Variants in MUSK observed in about 807,000 individuals in gnomAD.
MUSK encodes muscle associated receptor tyrosine kinase, also known as muscle, skeletal receptor tyrosine-protein kinase.
MUSK carries 55 observed loss-of-function variants against 88.7 expected under a neutral mutation model. The observed-to-expected ratio is 0.62, with a 90% CI of 0.50 to 0.78. MUSK has a LOEUF of 0.78. Ranked by LOEUF, MUSK falls within the 30% of genes least tolerant of loss-of-function variation. The pLI, the probability that MUSK is intolerant of heterozygous loss-of-function variation, is 0.00. For synonymous variants in MUSK, 387 were observed against 391.9 expected (o/e 0.99, Z 0.15); for missense variants, 1,015 against 1,074.3 (o/e 0.94, Z 0.77).
intron 4 of MUSK, among the ~76,000 whole-genome samples, chr9:110,696,277 CA>C (rs56335634): frequency 1.3e-3 from 187 of 139,880 alleles, no homozygotes; most frequent in Admixed American, 2.1e-3. Context: ...GACTCCATCT[CA>C]AAAAAAAAAA....
intron 5 of MUSK, among the ~76,000 whole-genome samples, chr9:110,698,644 A>C (rs1023617481): frequency 3.3e-5 from 5 of 152,116 alleles, no homozygotes; most frequent in African/African-American, 1.2e-4. Context: ...TAACATCTTT[A>C]TTATGTCATT....
At chr9:110,705,049 G>C (rs988406215) in intron 5 of MUSK, among the ~76,000 whole-genome samples, 1 of 151,364 alleles carries the variant, frequency 6.6e-6, no homozygotes, top group Non-Finnish European at 1.5e-5. Context: ...ACTTTATGTA[G>C]GCCTATACTT....
chr9:110,775,613 C>G (rs563833856), intron 9 of MUSK, 175 bp from the exon 10 acceptor site: 1 of 641,516 alleles, frequency 1.6e-6, no homozygotes, highest in South Asian at 1.9e-5. Flanking sequence ...GGACAGTACA[C>G]TAGATTTCAT....
chr9:110,710,151 C>T (rs148141417), intron 5 of MUSK, among the ~76,000 whole-genome samples: 199 of 152,230 alleles, frequency 1.3e-3, no homozygotes, highest in African/African-American at 4.3e-3. Context: ...CTACCTATTC[C>T]GATTCTTTCC....
intron 8 of MUSK, among the ~76,000 whole-genome samples, chr9:110,766,170 G>A (rs1463894290): frequency 1.3e-5 from 2 of 152,078 alleles, no homozygotes; most frequent in East Asian, 3.9e-4. Flanking sequence ...AAGGCGTTCT[G>A]GTGTCTGATC....
intron 8 of MUSK, among the ~76,000 whole-genome samples, chr9:110,764,550 TGATA>T (rs1303397411): frequency 6.6e-6 from 1 of 151,916 alleles, no homozygotes; most frequent in African/African-American, 2.4e-5. Context: ...TATAGGTAGT[TGATA>T]GATAAACAAA....
chr9:110,737,720 C>T (rs137976508), intron 6 of MUSK, among the ~76,000 whole-genome samples: 95 of 152,230 alleles, frequency 6.2e-4, no homozygotes, highest in African/African-American at 2.1e-3. Context: ...CCAATAATTA[C>T]TGCTTCTCTC....
intron 5 of MUSK, among the ~76,000 whole-genome samples, chr9:110,732,818 T>C (rs2076982571): frequency 6.6e-6 from 1 of 152,098 alleles, no homozygotes; most frequent in Non-Finnish European, 1.5e-5. Context: ...GACCCACATT[T>C]CTATATCTAA....
chr9:110,747,664 G>C lies in MUSK; in HGVS notation c.777G>C (p.Glu259Asp), dbSNP rs2077190899. The C allele has an allele frequency of 1.2e-6, 2 of 1,613,654 alleles. No individual in the cohort carries two copies. The highest frequency in any genetic ancestry group is 1.7e-6 in the Non-Finnish European group (2 of 1,179,664). The stretch of plus-strand genomic sequence containing the variant: ...AGGTTTCTTCTGGGTCCATTCAAGA[G>C]AGTGTGAAAGACCGAGTGATTGACT... Reference protein sequence around the residue: ...GNAVSSGSIQESVKDRVIDSR... With the variant: ...GNAVSSGSIQDSVKDRVIDSR... Residue 259 changes from glutamate (E) to aspartate (D), a missense_variant, in exon 7 of 15, where the codon GAG (glutamate) becomes GAC (aspartate). Physicochemically the swap from Glu to Asp is conservative, Grantham distance 45. Transcript: ENST00000374448.
rs2077895098 is a variant in MUSK at position 110,787,585 on chromosome 9, A to C, written c.1779-105A>C. On this transcript the variant is annotated intron_variant, in intron 13 of 14. Transcript: ENST00000374448. ...GGGAAAGGCTGCGTGAGACTTAACC[A>C]GCCTTTTACACAGGGGAGGTGGGAG... 2.6e-6 allele frequency: 3 copies of C among 1,166,526 alleles called. No homozygotes were observed. The South Asian group carries it at 5.4e-5, about 21-fold the overall frequency. The allele number at this position is 1,166,526 out of a possible 1,614,324, so 72.3% of individuals were successfully genotyped here.
chr9:110,723,458 T>G (rs1315478312), intron 5 of MUSK, among the ~76,000 whole-genome samples: 1 of 150,566 alleles, frequency 6.6e-6, no homozygotes, highest in Non-Finnish European at 1.5e-5. Flanking sequence ...CATTAGACTT[T>G]GGGGACTCAG....
chr9:110,740,844 G>T (rs181402240), intron 6 of MUSK, among the ~76,000 whole-genome samples: 1 of 152,122 alleles, frequency 6.6e-6, no homozygotes, highest in Non-Finnish European at 1.5e-5. Context: ...AAGGCGTCTC[G>T]ACATGGATAA....
chr9:110,682,453 C>G (rs1236926924), intron 1 of MUSK, among the ~76,000 whole-genome samples: 3 of 152,010 alleles, frequency 2.0e-5, no homozygotes, highest in Non-Finnish European at 4.4e-5. Context: ...ATCATAAACT[C>G]TAAGCCCTGC....
rs1564262796 is a variant in MUSK, at chr9:110,747,742, C to A, written c.855C>A (p.Thr285=). The A allele has an allele frequency of 6.2e-7, 1 of 1,613,826 alleles. No individual in the cohort carries two copies. The highest frequency in any genetic ancestry group is 1.7e-5 in the Admixed American group (1 of 59,996). ...TKPGLYTCIA[T]NKHGEKFSTA... ...CAGGACTCTACACATGCATAGCTAC[C>A]AATAAGCATGGGGAGAAGTTCAGTA... Residue 285 remains threonine (T), a synonymous_variant, in exon 7 of 15, where the codon ACC becomes ACA. Coordinates refer to ENST00000374448, the MANE Select transcript of MUSK (RefSeq NM_005592.4).
intron 7 of MUSK, among the ~76,000 whole-genome samples, chr9:110,757,198 G>A (rs1033972233): frequency 6.6e-6 from 1 of 152,094 alleles, no homozygotes; most frequent in African/African-American, 2.4e-5. Context: ...AGTGGCTCAT[G>A]CCTGTATCCC....
rs185563120 is a variant in MUSK, at chr9:110,803,852, T to C, written c.*2864T>C. Among the ~76,000 whole-genome samples, 420 of 152,236 alleles carry C rather than the reference T, an allele frequency of 2.8e-3. 2 individuals carry two copies. The highest frequency in any genetic ancestry group is 9.6e-3 in the African/African-American group (397 of 41,536). On this transcript the variant is annotated 3_prime_UTR_variant, in exon 15 of 15. Transcript: ENST00000374448. ...AATAAGATTTTTTTTCATGGTAGAA[T>C]CATCATATACATTCAAAAAGGTAGA...
intron 6 of MUSK, 102 bp from the exon 7 acceptor site, chr9:110,747,539 A>G: frequency 1.6e-6 from 2 of 1,221,048 alleles, no homozygotes; most frequent in Non-Finnish European, 2.3e-6. Flanking sequence ...AGTGTACCAC[A>G]TGCACTTGAT....
chr9:110,671,202 C>T (rs2075952917), intron 1 of MUSK, among the ~76,000 whole-genome samples: 1 of 152,204 alleles, frequency 6.6e-6, no homozygotes, highest in Admixed American at 6.5e-5. Flanking sequence ...CATCTCTTGA[C>T]CTCGTGATCT....
At chr9:110,701,374 A>C (rs1410004653) in intron 5 of MUSK, among the ~76,000 whole-genome samples, 1 of 152,226 alleles carries the variant, frequency 6.6e-6, no homozygotes, top group African/African-American at 2.4e-5. Flanking sequence ...AAATAGGGCA[A>C]AGGATTTGAG....
Sources: allele counts gnomAD v4.1 joint callset (sites outside exome capture counted in the v4.1 genomes callset), GRCh38; gene constraint gnomAD v4.1.1; transcripts MANE v1.5; gene names NCBI Gene and HGNC (gene_info 2026-07-23, HGNC 2026-07-21).